Variants in PMM2 observed in about 807,000 individuals in gnomAD.
The protein encoded by PMM2 is mannose-6-phosphate isomerase.
A neutral mutation model predicts 33.2 loss-of-function variants in PMM2; 35 were observed. That is an observed-to-expected ratio of 1.06 (90% CI 0.81 to 1.40). The LOEUF (loss-of-function observed/expected upper bound fraction) is 1.40, where lower values mean the gene tolerates loss of function less well. Ranked by LOEUF, PMM2 falls within the 40% of genes most tolerant of loss-of-function variation. The pLI is 0.00. For synonymous variants in PMM2, 153 were observed against 114.7 expected, an observed-to-expected ratio of 1.33 and a Z score of -2.13; for missense variants, 386 against 306.0, an observed-to-expected ratio of 1.26 and a Z score of -1.95.
At chr16:8,799,948 T>A (rs1483303850) in intron 1 of PMM2, among the ~76,000 whole-genome samples, 1 of 152,248 alleles carries the variant, frequency 6.6e-6, no homozygotes, top group African/African-American at 2.4e-5. Context: ...TCTGTACAAT[T>A]TTAATCACAT....
chr16:8,844,903 T>A (rs1165276958), intron 7 of PMM2, among the ~76,000 whole-genome samples: 1 of 152,110 alleles, frequency 6.6e-6, no homozygotes, highest in Non-Finnish European at 1.5e-5. Context: ...TGGTGAGATG[T>A]TTCTTGGGCT....
chr16:8,822,923 G>A (rs1034066340), intron 7 of PMM2, among the ~76,000 whole-genome samples: 2 of 152,170 alleles, frequency 1.3e-5, no homozygotes, highest in Non-Finnish European at 2.9e-5. Flanking sequence ...AGCTTTTGTA[G>A]AATTGATCCT....
At chr16:8,799,880 C>G (rs577670605) in intron 1 of PMM2, among the ~76,000 whole-genome samples, 1 of 152,172 alleles carries the variant, frequency 6.6e-6, no homozygotes, top group African/African-American at 2.4e-5. Context: ...TAGATTCTGT[C>G]TAATAGGTCC....
At chr16:8,827,487 C>A (rs2060775950) in intron 7 of PMM2, among the ~76,000 whole-genome samples, 1 of 150,104 alleles carries the variant, frequency 6.7e-6, no homozygotes, top group Admixed American at 6.6e-5. Flanking sequence ...CCTCTGCCTC[C>A]CGGGTTCAAG....
At position 8,845,417 on chromosome 16, in the gene PMM2, T is replaced by C. The variant is rs555116901; in HGVS notation, c.640-2307T>C. ...CATCTGGATGTACACGTGTAAGTCATAGGGGATGCGATGGCTTGGCTTGGG... is the reference window on the plus strand; with the variant it reads ...CATCTGGATGTACACGTGTAAGTCACAGGGGATGCGATGGCTTGGCTTGGG... On this transcript the variant is annotated intron_variant, in intron 7 of 7. Transcript: ENST00000268261. 3.9e-5 allele frequency among the ~76,000 whole-genome samples: 6 copies of C among 152,186 alleles called. No individual in the cohort carries two copies. The South Asian group carries it at 6.2e-4, about 16-fold the overall frequency.
intron 7 of PMM2, among the ~76,000 whole-genome samples, chr16:8,839,124 G>A (rs564974341): frequency 6.2e-4 from 94 of 152,028 alleles, no homozygotes; most frequent in Non-Finnish European, 7.8e-4. Context: ...GTCCTAAACC[G>A]ACCATCAAGG....
At chr16:8,840,926 GGAGGACTGGAAGACAGTCGCCTA>G (rs1265974522) in intron 7 of PMM2, among the ~76,000 whole-genome samples, 5 of 152,014 alleles carry the variant, frequency 3.3e-5, no homozygotes, top group Non-Finnish European at 7.4e-5. Context: ...CTAGCCTGCT[GGAGGACTGGAAGACAGTCGCCTA>G]GAGGGCTGGT....
At chr16:8,833,099 G>GT (rs1391791854) in intron 7 of PMM2, among the ~76,000 whole-genome samples, 5 of 152,210 alleles carry the variant, frequency 3.3e-5, no homozygotes, top group Non-Finnish European at 7.3e-5. Flanking sequence ...CAACATGGCT[G>GT]TTTTTTTCAC....
intron 4 of PMM2, chr16:8,806,689 A>G (rs1434069732): frequency 1.0e-5 from 5 of 481,396 alleles, no homozygotes; most frequent in African/African-American, 2.0e-5. Flanking sequence ...AGCACTTAGT[A>G]AGGAATAATT....
At chr16:8,835,388 G>A (rs1304798608) in intron 7 of PMM2, among the ~76,000 whole-genome samples, 1 of 152,020 alleles carries the variant, frequency 6.6e-6, no homozygotes, top group Non-Finnish European at 1.5e-5. Flanking sequence ...GGGGCTGTCT[G>A]TGAAGCCTTG....
chr16:8,815,250 C>T (rs1334147424), intron 7 of PMM2, among the ~76,000 whole-genome samples: 10 of 145,802 alleles, frequency 6.9e-5, no homozygotes, highest in Admixed American at 2.1e-4. Flanking sequence ...GGCAGAATCT[C>T]GCTCTGTCGC....
intron 7 of PMM2, among the ~76,000 whole-genome samples, chr16:8,847,412 C>T (rs1001686233): frequency 6.8e-6 from 1 of 148,116 alleles, no homozygotes. Context: ...TGTGAGAATA[C>T]TGTCACTCGC....
chr16:8,846,131 C>T (rs1004992115), intron 7 of PMM2, among the ~76,000 whole-genome samples: 1 of 152,184 alleles, frequency 6.6e-6, no homozygotes, highest in Non-Finnish European at 1.5e-5. Flanking sequence ...GCCTCCTAAC[C>T]TGACTCCACC....
intron 7 of PMM2, among the ~76,000 whole-genome samples, chr16:8,822,363 T>C (rs1414082646): frequency 6.6e-6 from 1 of 152,168 alleles, no homozygotes; most frequent in Non-Finnish European, 1.5e-5. Context: ...CAGGAGCAAT[T>C]TGGGGAGGTT....
intron 7 of PMM2, among the ~76,000 whole-genome samples, chr16:8,818,388 A>G (rs1266501117): frequency 6.6e-6 from 1 of 152,242 alleles, no homozygotes; most frequent in African/African-American, 2.4e-5. Context: ...AGAAATGGAA[A>G]TTAGCAGTCC....
intron 1 of PMM2, among the ~76,000 whole-genome samples, chr16:8,799,690 G>C (rs2060601334): frequency 6.6e-6 from 1 of 152,172 alleles, no homozygotes; most frequent in South Asian, 2.1e-4. Context: ...TGGTGCTACA[G>C]GCAGGCACCA....
At chr16:8,834,046 C>T (rs957938225) in intron 7 of PMM2, among the ~76,000 whole-genome samples, 2 of 151,988 alleles carry the variant, frequency 1.3e-5, no homozygotes, top group Admixed American at 1.3e-4. Context: ...TTTTGGGGGG[C>T]ACAGTCTAAG....
chr16:8,837,198 A>G (rs2060855238), intron 7 of PMM2, among the ~76,000 whole-genome samples: 1 of 151,966 alleles, frequency 6.6e-6, no homozygotes, highest in Non-Finnish European at 1.5e-5. Context: ...GAGACTAGGA[A>G]GGGACTGATG....
At chr16:8,846,853 G>C (rs953748314) in intron 7 of PMM2, among the ~76,000 whole-genome samples, 6 of 152,098 alleles carry the variant, frequency 3.9e-5, no homozygotes, top group African/African-American at 1.4e-4. Flanking sequence ...TCAGACCCCA[G>C]TCATGTGGGG....
Sources: allele counts gnomAD v4.1 joint callset (sites outside exome capture counted in the v4.1 genomes callset), GRCh38; gene constraint gnomAD v4.1.1; transcripts MANE v1.5; gene names NCBI Gene and HGNC (gene_info 2026-07-23, HGNC 2026-07-21).